Variants in ARL5B observed in about 807,000 individuals in gnomAD.
ARL5B encodes the protein ADP-ribosylation factor-like protein 5B.
In ARL5B, 10 loss-of-function variants were observed where a neutral mutation model predicts 26.9. The observed-to-expected ratio is 0.37, with a 90% CI of 0.23 to 0.63. The LOEUF is 0.63. Among genes scored for constraint, ARL5B ranks in the 30% least tolerant of loss-of-function variants. ARL5B has a pLI of 0.62. For missense variants in ARL5B, 167 were observed against 213.9 expected, an observed-to-expected ratio of 0.78 and a Z score of 1.37; for synonymous variants, 87 against 70.4, an observed-to-expected ratio of 1.24 and a Z score of -1.18.
At chr10:18,665,234 G>A (rs2059856123) in intron 1 of ARL5B, among the ~76,000 whole-genome samples, 1 of 152,152 alleles carries the variant, frequency 6.6e-6, no homozygotes, top group Admixed American at 6.6e-5. Context: ...CAGCTATTCA[G>A]GAGGTTCAGG....
At position 18,675,428 on chromosome 10, in the gene ARL5B, A is replaced by G. The variant is rs1030414246; in HGVS notation, c.*212A>G. The G allele has an allele frequency of 1.2e-5, 6 of 504,858 alleles. No homozygotes were observed. Among genetic ancestry groups the G allele is most frequent in the African/African-American group, 1.1e-4 (6 of 52,250 alleles). The allele number at this position is 504,858 out of a possible 1,614,324, so 31.3% of individuals were successfully genotyped here. ...ACTAATCTTCAGTTGGATGAATGTA[A>G]TGTATAACTATGTTTTCAGCAACAA... On this transcript the variant is annotated 3_prime_UTR_variant, in exon 6 of 6. Transcript: ENST00000377275.
rs1376898080 is a variant in ARL5B, at chr10:18,675,469, T to C, written c.*253T>C. On this transcript the variant is annotated 3_prime_UTR_variant, in exon 6 of 6. Transcript: ENST00000377275. ...TCAGCAACAATTCTTCTGTTTATTC[T>C]AATTAATCAGTGACTGCCTTGTAAG... 7.1e-6 allele frequency: 3 copies of C among 424,094 alleles called. No individual in the cohort carries two copies. The East Asian group carries it at 1.1e-4, about 16-fold the overall frequency. 26.3% of individuals were successfully genotyped at this position (424,094 alleles called of 1,614,324 possible).
chr10:18,661,529 A>T (rs1023505527), intron 1 of ARL5B, among the ~76,000 whole-genome samples: 1 of 152,188 alleles, frequency 6.6e-6, no homozygotes, highest in Non-Finnish European at 1.5e-5. Context: ...CTGTTATTTT[A>T]TTCTTATTCA....
intron 1 of ARL5B, among the ~76,000 whole-genome samples, chr10:18,660,403 A>G (rs942147595): frequency 6.6e-6 from 1 of 152,198 alleles, no homozygotes; most frequent in Non-Finnish European, 1.5e-5. Context: ...TGAAGAGAGA[A>G]AACACCCAGA....
chr10:18,659,675 G>A lies in ARL5B; in HGVS notation c.38G>A (p.Cys13Tyr). 6.2e-7 allele frequency: 1 copy of A among 1,613,132 alleles called. No homozygotes were observed. Among genetic ancestry groups the A allele is most frequent in the South Asian group, 1.1e-5 (1 of 90,884 alleles). The change falls in exon 1 of 6, where the codon TGT becomes TAT. Residue 13 changes from cysteine (C) to tyrosine (Y), a missense_variant. By Grantham distance (194) the Cys-to-Tyr change is radical. Coordinates refer to ENST00000377275, the MANE Select transcript of ARL5B (RefSeq NM_178815.5). ...LIFAKLWSLF[C>Y]NQEHKVIIVG... ...TTCGCCAAACTGTGGAGCCTCTTCT[G>A]TAACCAAGGTGAGAAGAATGGAGCT...
rs1226634293 is a variant in ARL5B at position 18,679,730 on chromosome 10, G to T, written c.*4514G>T. 1 of 151,828 alleles carries T rather than the reference G, an allele frequency of 6.6e-6. No individual in the cohort carries two copies. Among genetic ancestry groups the T allele is most frequent in the Non-Finnish European group, 1.5e-5 (1 of 67,834 alleles). The allele number at this position is 151,828 out of a possible 1,614,324, so 9.4% of individuals were successfully genotyped here. ...ACATTTGGGAAATATTAATTTGGAG[G>T]TTTAGAAGCATACGAAAAACAAATT... On this transcript the variant is annotated 3_prime_UTR_variant, in exon 6 of 6. Coordinates refer to ENST00000377275, the MANE Select transcript of ARL5B (RefSeq NM_178815.5).
chr10:18,674,643 A>C (rs957702991), intron 5 of ARL5B, among the ~76,000 whole-genome samples: 5 of 152,238 alleles, frequency 3.3e-5, no homozygotes, highest in African/African-American at 1.2e-4. Context: ...TGTGGGTATT[A>C]GGCCAAGAAG....
rs1282229341 is a variant in ARL5B at position 18,676,689 on chromosome 10, G to A, written c.*1473G>A. 1 of 152,024 alleles carries A rather than the reference G, an allele frequency of 6.6e-6. No individual in the cohort carries two copies. The highest frequency in any genetic ancestry group is 1.5e-5 in the Non-Finnish European group (1 of 67,874). The allele number at this position is 152,024 out of a possible 1,614,324, so 9.4% of individuals were successfully genotyped here. A position where few individuals can be genotyped will look rare whatever the true frequency, so the allele number is the denominator to read the frequency against. On this transcript the variant is annotated 3_prime_UTR_variant, in exon 6 of 6. Transcript: ENST00000377275. ...TACAAAGTTCATAATATCAAAATATGTGTTCAAAATTGGTATTTTAATTTT... is the reference window on the plus strand; with the variant it reads ...TACAAAGTTCATAATATCAAAATATATGTTCAAAATTGGTATTTTAATTTT...
intron 3 of ARL5B, among the ~76,000 whole-genome samples, chr10:18,672,233 G>T (rs2059891290): frequency 6.6e-6 from 1 of 152,168 alleles, no homozygotes; most frequent in African/African-American, 2.4e-5. Flanking sequence ...ATTATTGACT[G>T]TTTAGATGAA....
At chr10:18,672,558 G>C in intron 3 of ARL5B, 64 bp from the exon 4 acceptor site, 1 of 1,210,580 alleles carries the variant, frequency 8.3e-7, no homozygotes, top group Non-Finnish European at 1.2e-6. Context: ...TACTTGAGTA[G>C]TTTTACAGAA....
rs1368299079 is a variant in ARL5B, at chr10:18,681,019, C to G, written c.*5803C>G. 2 of 152,112 alleles carry G rather than the reference C, an allele frequency of 1.3e-5. No homozygotes were observed. Among genetic ancestry groups the G allele is most frequent in the Non-Finnish European group, 2.9e-5 (2 of 68,002 alleles). The allele number at this position is 152,112 out of a possible 1,614,324, so 9.4% of individuals were successfully genotyped here. A position where few individuals can be genotyped will look rare whatever the true frequency, so the allele number is the denominator to read the frequency against. ...ATGTGCATTTCTTAAGATTTAAATA[C>G]AAACTGTTGTTACTCCTTAAGCTTC... On this transcript the variant is annotated 3_prime_UTR_variant, in exon 6 of 6. Transcript: ENST00000377275.
Position 18,672,214 on chromosome 10 carries a change from A to T in ARL5B, c.256-408A>T, listed in dbSNP as rs147346812. Among the ~76,000 whole-genome samples the T allele has an allele frequency of 6.2e-3, 943 of 152,350 alleles. 14 individuals are homozygous for T. The highest frequency in any genetic ancestry group is 0.021 in the African/African-American group (882 of 41,580). On this transcript the variant is annotated intron_variant, in intron 3 of 5. Coordinates refer to ENST00000377275, the MANE Select transcript of ARL5B (RefSeq NM_178815.5). Reference sequence around the variant, plus strand: ...AGAGTTAGGAGATTGTGGTATACACAAGTAAGCAATTATTGACTGTTTAGA... The same window carrying T: ...AGAGTTAGGAGATTGTGGTATACACTAGTAAGCAATTATTGACTGTTTAGA...
At position 18,672,925 on chromosome 10, in the gene ARL5B, T is replaced by A. The variant is rs181246590; in HGVS notation, c.339+220T>A. On this transcript the variant is annotated intron_variant, in intron 4 of 5. Transcript: ENST00000377275. ...ATTAATTTGTAGATTACTACTGTTA[T>A]TGTAAAAATTTTTCAAAGCTAAAGT... Among the ~76,000 whole-genome samples the A allele has an allele frequency of 2.6e-3, 401 of 152,334 alleles. 1 individual carries two copies. The highest frequency in any genetic ancestry group is 8.6e-3 in the African/African-American group (356 of 41,574).
At chr10:18,669,401 G>A (rs2059876649) in intron 3 of ARL5B, among the ~76,000 whole-genome samples, 1 of 152,052 alleles carries the variant, frequency 6.6e-6, no homozygotes, top group Non-Finnish European at 1.5e-5. Flanking sequence ...TTTATACCAT[G>A]AACATTCAAA....
chr10:18,661,107 C>T (rs748905250), intron 1 of ARL5B, among the ~76,000 whole-genome samples: 3 of 152,178 alleles, frequency 2.0e-5, no homozygotes, highest in Non-Finnish European at 4.4e-5. Flanking sequence ...CCTCGGCCTC[C>T]CAAAGTGCTG....
chr10:18,675,302 GT>G lies in ARL5B; in HGVS notation c.*89del. On this transcript the variant is annotated 3_prime_UTR_variant, in exon 6 of 6. Coordinates refer to ENST00000377275, the MANE Select transcript of ARL5B (RefSeq NM_178815.5). ...CCTTTGGCTGCTAAGGCAGCAGCATGTTTAATTTATAACAACACAAACCTCT... is the reference window on the plus strand; with the variant it reads ...CCTTTGGCTGCTAAGGCAGCAGCATGTTAATTTATAACAACACAAACCTCT... The G allele has an allele frequency of 5.3e-6, 7 of 1,324,354 alleles. No individual in the cohort carries two copies. The South Asian group carries it at 8.3e-5, about 16-fold the overall frequency. The allele number at this position is 1,324,354 out of a possible 1,614,324, so 82.0% of individuals were successfully genotyped here. A position where few individuals can be genotyped will look rare whatever the true frequency, so the allele number is the denominator to read the frequency against.
intron 3 of ARL5B, among the ~76,000 whole-genome samples, chr10:18,670,150 A>G (rs1156769527): frequency 2.0e-5 from 3 of 152,196 alleles, no homozygotes; most frequent in Non-Finnish European, 4.4e-5. Flanking sequence ...ATATATTCCA[A>G]TGCAACGTGT....
intron 3 of ARL5B, among the ~76,000 whole-genome samples, chr10:18,669,162 GT>G (rs1277942150): frequency 6.6e-6 from 1 of 151,946 alleles, no homozygotes; most frequent in Non-Finnish European, 1.5e-5. Flanking sequence ...AAGAATTTGG[GT>G]TTTCGAATAA....
At position 18,659,457 on chromosome 10, in the gene ARL5B, G is replaced by C. The variant is rs2059815410; in HGVS notation, c.-181G>C. 1.4e-6 allele frequency: 1 copy of C among 739,672 alleles called. No homozygotes were observed. The highest frequency in any genetic ancestry group is 3.5e-5 in the Admixed American group (1 of 28,730). The allele number at this position is 739,672 out of a possible 1,614,324, so 45.8% of individuals were successfully genotyped here. A position where few individuals can be genotyped will look rare whatever the true frequency, so the allele number is the denominator to read the frequency against. On this transcript the variant is annotated 5_prime_UTR_variant, in exon 1 of 6. Transcript: ENST00000377275. ...GTGGGCTCGAAACAAAGGGCTGTCC[G>C]GTGGGGATTCGTCGCGGCGCCTTCT... is the stretch of plus-strand genomic sequence containing the variant.
Sources: gnomAD v4.1 joint callset for allele counts (sites outside exome capture counted in the v4.1 genomes callset) on GRCh38, gnomAD v4.1.1 for gene constraint, MANE v1.5 for transcripts, NCBI Gene and HGNC (gene_info 2026-07-23, HGNC 2026-07-21) for gene names.